The following MYO5A variants were observed in gnomAD, a reference collection of about 807,000 sequenced individuals.
The protein encoded by MYO5A is myosin VA, also known as unconventional myosin-Va.
In MYO5A, 98 loss-of-function variants were observed where a neutral mutation model predicts 249.7. The ratio of observed to expected loss-of-function variants is 0.39; its 90% CI spans 0.33 to 0.46. The LOEUF (loss-of-function observed/expected upper bound fraction) is 0.46, where lower values mean the gene tolerates loss of function less well. Among genes scored for constraint, MYO5A ranks in the 20% least tolerant of loss-of-function variants. The pLI, the probability that MYO5A is intolerant of heterozygous loss-of-function variation, is 0.98. For synonymous variants in MYO5A, 778 were observed against 810.6 expected (o/e 0.96, Z 0.68); for missense variants, 1,696 against 2,308.8 (o/e 0.73, Z 5.44).
chr15:52,329,906 T>A (rs985058438), intron 35 of MYO5A, among the ~76,000 whole-genome samples: 135 of 2,410 alleles, frequency 0.056, no homozygotes, highest in East Asian at 0.17. Context: ...GCCTGGGTAA[T>A]TTTTTTTTTT....
chr15:52,472,461 T>G (rs28786736), intron 1 of MYO5A, among the ~76,000 whole-genome samples: 7 of 152,080 alleles, frequency 4.6e-5, no homozygotes, highest in African/African-American at 1.2e-4. Context: ...TTGTTACATA[T>G]GTATACATGT....
intron 16 of MYO5A, 126 bp from the exon 17 acceptor site, chr15:52,380,034 C>A: frequency 1.1e-6 from 1 of 934,850 alleles, no homozygotes. Flanking sequence ...AGAAAGCTTT[C>A]AGAAGTCGGA....
intron 1 of MYO5A, among the ~76,000 whole-genome samples, chr15:52,488,611 T>C (rs1260923678): frequency 6.6e-6 from 1 of 152,244 alleles, no homozygotes; most frequent in Non-Finnish European, 1.5e-5. Context: ...GAAATGTCTA[T>C]GTTTACCTTA....
intron 35 of MYO5A, among the ~76,000 whole-genome samples, chr15:52,329,616 T>C (rs2038776640): frequency 6.6e-6 from 1 of 152,224 alleles, no homozygotes. Context: ...ATTATTACAC[T>C]GCCGTCCTTG....
At position 52,372,218 on chromosome 15, in the gene MYO5A, A is replaced by G; in HGVS notation, c.2723T>C (p.Leu908Pro). The G allele has an allele frequency of 6.2e-7, 1 of 1,613,404 alleles. No homozygotes were observed. The highest frequency in any genetic ancestry group is 8.5e-7 in the Non-Finnish European group (1 of 1,180,004). ...CTCCACTGAGCGAGCCTCGATTTTG[A>G]GCTTCTTTAGCTCACGCTTGGCCAT... is the stretch of plus-strand genomic sequence containing the variant. ...RMMAKRELKK[L>P]KIEARSVERY... The change falls in exon 21 of 42, where the codon CTC becomes CCC. Residue 908 changes from leucine to proline, a missense_variant. Leu to Pro is a moderately conservative substitution (Grantham distance 98). This residue lies in a region of MYO5A where 412 missense variants were observed against 453.3 expected (regional missense o/e 0.91). Coordinates refer to ENST00000399233, the MANE Select transcript of MYO5A (RefSeq NM_001382347.1).
chr15:52,496,976 TCAGA>T (rs1407520937), intron 1 of MYO5A, among the ~76,000 whole-genome samples: 4 of 152,152 alleles, frequency 2.6e-5, no homozygotes, highest in Non-Finnish European at 5.9e-5. Flanking sequence ...GCTTTTTTTT[TCAGA>T]CAGAGTCATC....
At chr15:52,336,184 T>C (rs961981986) in intron 34 of MYO5A, among the ~76,000 whole-genome samples, 3 of 152,216 alleles carry the variant, frequency 2.0e-5, no homozygotes, top group Non-Finnish European at 4.4e-5. Flanking sequence ...TTAACTCCTA[T>C]GCTATACTGC....
chr15:52,335,275 T>C (rs1300651157), intron 34 of MYO5A, among the ~76,000 whole-genome samples: 1 of 152,134 alleles, frequency 6.6e-6, no homozygotes, highest in Non-Finnish European at 1.5e-5. Flanking sequence ...CCCAGCACTT[T>C]GGGAGGCTGA....
chr15:52,331,978 C>T (rs1485682807), intron 34 of MYO5A: 1 of 660,800 alleles, frequency 1.5e-6, no homozygotes, highest in Non-Finnish European at 1.9e-6. Context: ...AAAGGAGACT[C>T]AAACTGTTTG....
intron 9 of MYO5A, among the ~76,000 whole-genome samples, chr15:52,400,823 A>C (rs1329461074): frequency 6.6e-6 from 1 of 152,192 alleles, no homozygotes; most frequent in Non-Finnish European, 1.5e-5. Context: ...CTGTAATGAT[A>C]ACTATCTTTC....
chr15:52,455,667 C>T (rs951564338), intron 1 of MYO5A, among the ~76,000 whole-genome samples: 11 of 151,982 alleles, frequency 7.2e-5, no homozygotes, highest in Admixed American at 1.3e-4. Context: ...ATACACAAAT[C>T]AATAAATGTA....
intron 24 of MYO5A, among the ~76,000 whole-genome samples, chr15:52,363,996 T>C (rs1429408818): frequency 6.6e-6 from 1 of 152,186 alleles, no homozygotes; most frequent in Non-Finnish European, 1.5e-5. Context: ...CCCAGCACTT[T>C]GGGAGGCCAA....
intron 1 of MYO5A, among the ~76,000 whole-genome samples, chr15:52,481,238 T>A (rs2076708530): frequency 6.6e-6 from 1 of 152,234 alleles, no homozygotes; most frequent in Non-Finnish European, 1.5e-5. Context: ...GCTAGGTATG[T>A]CCTTGCTGAA....
rs1345804589 is a variant in MYO5A at position 52,340,366 on chromosome 15, T to G, written c.4069A>C (p.Lys1357Gln). ...RLLESQLQSQ[K>Q]RSHENEAEAL... Reference sequence around the variant, plus strand: ...TCGGCCTCATTCTCATGGCTCCTCTTCTGTGACTGCAGCTGGGATTCCAGG... The same window carrying G: ...TCGGCCTCATTCTCATGGCTCCTCTGCTGTGACTGCAGCTGGGATTCCAGG... Residue 1357 changes from lysine to glutamine, a missense_variant, in exon 32 of 42, where the codon AAG becomes CAG. This residue lies in a region of MYO5A where 625 missense variants were observed against 908.1 expected (regional missense o/e 0.69). Coordinates refer to ENST00000399233, the MANE Select transcript of MYO5A (RefSeq NM_001382347.1). 6.2e-7 allele frequency: 1 copy of G among 1,613,436 alleles called. No individual in the cohort carries two copies. The highest frequency in any genetic ancestry group is 1.7e-5 in the Admixed American group (1 of 60,012).
chr15:52,308,621 T>C lies in MYO5A; in HGVS notation c.*5075A>G, dbSNP rs1697378405. On this transcript the variant is annotated 3_prime_UTR_variant, in exon 42 of 42. Coordinates refer to ENST00000399233, the MANE Select transcript of MYO5A (RefSeq NM_001382347.1). ...GCTGGCCTCTCACTGGCTCTGAGAC[T>C]GTTGCTGCCCCACAGTTCTAATTCC... is the stretch of plus-strand genomic sequence containing the variant. The C allele has an allele frequency of 6.6e-6, 1 of 152,456 alleles. No homozygotes were observed. The highest frequency in any genetic ancestry group is 1.5e-5 in the Non-Finnish European group (1 of 68,056). 9.4% of individuals were successfully genotyped at this position (152,456 alleles called of 1,614,324 possible).
rs1567007082 is a variant in MYO5A at position 52,311,386 on chromosome 15, A to G, written c.*2310T>C. The G allele has an allele frequency of 6.6e-6, 1 of 152,198 alleles. No individual in the cohort carries two copies. Among genetic ancestry groups the G allele is most frequent in the East Asian group, 1.9e-4 (1 of 5,198 alleles). The allele number at this position is 152,198 out of a possible 1,614,324, so 9.4% of individuals were successfully genotyped here. A position where few individuals can be genotyped will look rare whatever the true frequency, so the allele number is the denominator to read the frequency against. ...GCTGTTAGATTCTGACACATTTGGT[A>G]CGAACCAAATGGCTATGACTTAATT... is the stretch of plus-strand genomic sequence containing the variant. On this transcript the variant is annotated 3_prime_UTR_variant, in exon 42 of 42. Transcript: ENST00000399233.
At chr15:52,517,311 C>G (rs530476658) in intron 1 of MYO5A, among the ~76,000 whole-genome samples, 1 of 152,210 alleles carries the variant, frequency 6.6e-6, no homozygotes, top group African/African-American at 2.4e-5. Flanking sequence ...CATAACATAT[C>G]ACTTCCATTA....
intron 1 of MYO5A, among the ~76,000 whole-genome samples, chr15:52,468,577 G>A (rs1399578401): frequency 6.6e-6 from 1 of 152,088 alleles, no homozygotes; most frequent in Admixed American, 6.5e-5. Flanking sequence ...GGCTGGGGTG[G>A]GAGAACCACT....
chr15:52,487,723 CAAAA>C (rs57515007), intron 1 of MYO5A, among the ~76,000 whole-genome samples: 2 of 87,668 alleles, frequency 2.3e-5, no homozygotes, highest in Non-Finnish European at 4.9e-5. Context: ...GACTCTGTCT[CAAAA>C]AAAAAAAAAA....
Sources: gnomAD v4.1 joint callset for allele counts (sites outside exome capture counted in the v4.1 genomes callset) on GRCh38, gnomAD v4.1.1 for gene constraint, gnomAD v4.1.1 regional missense constraint, MANE v1.5 for transcripts, NCBI Gene and HGNC (gene_info 2026-07-23, HGNC 2026-07-21) for gene names.